VGLL1: variants seen among roughly 807,000 people sequenced by gnomAD.
The protein encoded by VGLL1 is transcription cofactor vestigial-like protein 1.
A neutral mutation model predicts 12.0 loss-of-function variants in VGLL1; 4 were observed. The observed-to-expected ratio is 0.33, with a 90% CI of 0.16 to 0.76. The LOEUF is 0.76. Ranked by LOEUF, VGLL1 falls within the 30% of genes least tolerant of loss-of-function variation. VGLL1 has a pLI of 0.60. For missense variants in VGLL1, 204 were observed against 208.7 expected (o/e 0.98, Z 0.14); for synonymous variants, 87 against 81.2 (o/e 1.07, Z -0.39).
intron 1 of VGLL1, among the ~76,000 whole-genome samples, chrX:136,534,140 C>T (rs1371553081): frequency 8.9e-6 from 1 of 112,461 alleles, no homozygotes. Flanking sequence ...AGATCATGAG[C>T]TTTTTCTCTA....
chrX:136,541,303 C>T (rs2075855550), intron 2 of VGLL1, among the ~76,000 whole-genome samples: 1 of 112,461 alleles, frequency 8.9e-6, no homozygotes, highest in African/African-American at 3.2e-5. Flanking sequence ...CTCCATCTTC[C>T]TTCTTGGTTG....
chrX:136,551,849 G>A (rs1031043487), intron 4 of VGLL1, among the ~76,000 whole-genome samples: 1 of 111,287 alleles, frequency 9.0e-6, no homozygotes, highest in Non-Finnish European at 1.9e-5. Context: ...GTGAGGCCAA[G>A]GCGGGAGGAA....
chrX:136,534,243 A>G (rs928832013), intron 1 of VGLL1, among the ~76,000 whole-genome samples: 1 of 112,459 alleles, frequency 8.9e-6, no homozygotes, highest in East Asian at 2.8e-4. Flanking sequence ...TGTAGTAACC[A>G]TCTCCCTCAT....
In VGLL1 at chrX:136,537,250, A is replaced by G. The variant is rs750802480; in HGVS notation, c.214+1016A>G. Among the ~76,000 whole-genome samples, 3 of 110,442 alleles carry G rather than the reference A, an allele frequency of 2.7e-5. No homozygotes were observed. In the East Asian group the frequency reaches 8.5e-4, roughly 31 times the overall value. ...TATTCAGGTGTGGTGGCTCATACCT[A>G]TATCTCTGGCTACTAAGGAGGGTGA... On this transcript the variant is annotated intron_variant, in intron 2 of 4. Coordinates refer to ENST00000370634, the MANE Select transcript of VGLL1 (RefSeq NM_016267.4).
At chrX:136,536,372 AC>A in intron 2 of VGLL1, 138 bp downstream of exon 2, 1 of 564,926 alleles carries the variant, frequency 1.8e-6, no homozygotes, top group Non-Finnish European at 2.8e-6. Context: ...GAGAAGCCAC[AC>A]CCCTTCTTAG....
chrX:136,555,448 G>A lies in VGLL1; in HGVS notation c.689-1003G>A, dbSNP rs188167201. 4.5e-5 allele frequency among the ~76,000 whole-genome samples: 5 copies of A among 111,638 alleles called. No homozygotes were observed. In the East Asian group the frequency reaches 1.1e-3, roughly 25 times the overall value. ...AGCTAAAGAGATTAATGGGGTTTGA[G>A]AAGGTCTTTTTTTAAGAGGCAAATA... On this transcript the variant is annotated intron_variant, in intron 4 of 4. Coordinates refer to ENST00000370634, the MANE Select transcript of VGLL1 (RefSeq NM_016267.4).
intron 2 of VGLL1, among the ~76,000 whole-genome samples, chrX:136,537,433 G>GTTTAATCAAACATTAT (rs1415995073): frequency 1.8e-5 from 2 of 111,542 alleles, no homozygotes; most frequent in African/African-American, 6.5e-5. Context: ...ATGTAAAAAT[G>GTTTAATCAAACATTAT]GGTGCTGTTT....
chrX:136,556,668 T>A lies in VGLL1; in HGVS notation c.*129T>A. On this transcript the variant is annotated 3_prime_UTR_variant, in exon 5 of 5. Coordinates refer to ENST00000370634, the MANE Select transcript of VGLL1 (RefSeq NM_016267.4). ...CCCCAATCTGTTAAACAGCTTCGTG[T>A]CTAGTATGAGCTCAGTACTTGCCCT... 1.8e-6 allele frequency: 1 copy of A among 567,979 alleles called. No homozygotes were observed. The highest frequency in any genetic ancestry group is 2.9e-6 in the Non-Finnish European group (1 of 350,178). 46.8% of individuals were successfully genotyped at this position (567,979 alleles called of 1,213,427 possible).
chrX:136,540,253 TCTATAATG>T (rs1239139242), intron 2 of VGLL1, among the ~76,000 whole-genome samples: 1 of 111,431 alleles, frequency 9.0e-6, no homozygotes, highest in African/African-American at 3.3e-5. Flanking sequence ...ATATCCAAAG[TCTATAATG>T]GGGCCCTACC....
Position 136,539,869 on chromosome X carries a change from C to G in VGLL1, c.214+3635C>G, listed in dbSNP as rs1025132997. ...AATAAACTCTTAATTTCCCCCTCAA[C>G]CTGCTCTGCCCACAGTCTTTCCCAT... is the stretch of plus-strand genomic sequence containing the variant. On this transcript the variant is annotated intron_variant, in intron 2 of 4. Transcript: ENST00000370634. Among the ~76,000 whole-genome samples the G allele has an allele frequency of 1.3e-4, 14 of 111,864 alleles. No homozygotes were observed. The Admixed American group carries it at 1.3e-3, about 11-fold the overall frequency.
intron 1 of VGLL1, among the ~76,000 whole-genome samples, chrX:136,534,014 C>T (rs746449862): frequency 8.9e-6 from 1 of 112,479 alleles, no homozygotes; most frequent in South Asian, 3.7e-4. Context: ...TAGTTTCTGG[C>T]ACACAGTAGG....
Position 136,556,616 on chromosome X carries a change from A to T in VGLL1, c.*77A>T. 1 of 984,430 alleles carries T rather than the reference A, an allele frequency of 1.0e-6. No individual in the cohort carries two copies. The highest frequency in any genetic ancestry group is 3.1e-5 in the East Asian group (1 of 32,614). 81.1% of individuals were successfully genotyped at this position (984,430 alleles called of 1,213,427 possible). A position where few individuals can be genotyped will look rare whatever the true frequency, so the allele number is the denominator to read the frequency against. On this transcript the variant is annotated 3_prime_UTR_variant, in exon 5 of 5. Coordinates refer to ENST00000370634, the MANE Select transcript of VGLL1 (RefSeq NM_016267.4). ...TCCCTGCATATTGTTCCAGATAAAAATGAAAGCTGCTCACACCCACTTGCC... is the reference window on the plus strand; with the variant it reads ...TCCCTGCATATTGTTCCAGATAAAATTGAAAGCTGCTCACACCCACTTGCC...
At chrX:136,540,420 G>A (rs1417439510) in intron 2 of VGLL1, among the ~76,000 whole-genome samples, 6 of 110,913 alleles carry the variant, frequency 5.4e-5, no homozygotes, top group Non-Finnish European at 1.1e-4. Flanking sequence ...CCTATCCCTG[G>A]AATGCTCTTT....
At chrX:136,538,985 G>A (rs1299113513) in intron 2 of VGLL1, among the ~76,000 whole-genome samples, 1 of 111,146 alleles carries the variant, frequency 9.0e-6, no homozygotes. Flanking sequence ...GAATGACCAT[G>A]GTCTTGAATC....
chrX:136,543,397 G>A lies in VGLL1; in HGVS notation c.215-5192G>A, dbSNP rs749050962. 7.1e-5 allele frequency among the ~76,000 whole-genome samples: 8 copies of A among 111,928 alleles called. No homozygotes were observed. The East Asian group carries it at 1.1e-3, about 16-fold the overall frequency. Reference sequence around the variant, plus strand: ...AAGAGGGCAGAGAGGGAAAGTCAACGCGTGCAGATCATGCAGGCCAAGGTT... The same window carrying A: ...AAGAGGGCAGAGAGGGAAAGTCAACACGTGCAGATCATGCAGGCCAAGGTT... On this transcript the variant is annotated intron_variant, in intron 2 of 4. Coordinates refer to ENST00000370634, the MANE Select transcript of VGLL1 (RefSeq NM_016267.4).
At chrX:136,532,722 A>C (rs1603307885) in intron 1 of VGLL1, among the ~76,000 whole-genome samples, 1 of 87,430 alleles carries the variant, frequency 1.1e-5, no homozygotes, top group African/African-American at 4.4e-5. Context: ...TTTTTTCAGA[A>C]GTGTGGGCAA....
intron 4 of VGLL1, among the ~76,000 whole-genome samples, chrX:136,552,268 A>T (rs1307263962): frequency 8.9e-6 from 1 of 111,808 alleles, no homozygotes; most frequent in Non-Finnish European, 1.9e-5. Flanking sequence ...ACAAAAACCA[A>T]CCCTGGTGAT....
At chrX:136,553,591 C>T (rs1465414257) in intron 4 of VGLL1, among the ~76,000 whole-genome samples, 1 of 112,338 alleles carries the variant, frequency 8.9e-6, no homozygotes, top group Non-Finnish European at 1.9e-5. Flanking sequence ...GGATTACAGG[C>T]GTGAGCCACT....
chrX:136,546,606 A>C (rs1308173587), intron 2 of VGLL1, among the ~76,000 whole-genome samples: 1 of 112,241 alleles, frequency 8.9e-6, no homozygotes, highest in African/African-American at 3.2e-5. Context: ...GAAATATTCA[A>C]AACATTCTGG....
Sources: gnomAD v4.1 joint callset for allele counts (sites outside exome capture counted in the v4.1 genomes callset) on GRCh38, gnomAD v4.1.1 for gene constraint, MANE v1.5 for transcripts, NCBI Gene and HGNC (gene_info 2026-07-23, HGNC 2026-07-21) for gene names.